TTC7A: variants seen among roughly 807,000 people sequenced by gnomAD.
The protein encoded by TTC7A is tetratricopeptide repeat domain 7A, also known as tetratricopeptide repeat protein 7A.
Under a neutral mutation model 103.7 loss-of-function variants are expected in TTC7A, and 110 were observed. That is an observed-to-expected ratio of 1.06 (90% CI 0.91 to 1.24). TTC7A has a LOEUF of 1.24. Among genes scored for constraint, TTC7A ranks in the 50% most tolerant of loss-of-function variants. The pLI is 0.00. For synonymous variants in TTC7A, 521 were observed against 467.9 expected, an observed-to-expected ratio of 1.11 and a Z score of -1.47; for missense variants, 1,340 against 1,116.3, an observed-to-expected ratio of 1.20 and a Z score of -2.86.
At chr2:47,047,486 C>G in intron 16 of TTC7A, 1 of 608,336 alleles carries the variant, frequency 1.6e-6, no homozygotes, top group Non-Finnish European at 2.9e-6. Flanking sequence ...TTGAAGCCAC[C>G]TGGCAGCTGG....
chr2:47,030,809 C>T (rs933006210), intron 15 of TTC7A, among the ~76,000 whole-genome samples: 20 of 152,156 alleles, frequency 1.3e-4, no homozygotes, highest in African/African-American at 3.6e-4. Context: ...CTTTTATGTT[C>T]GTGGCCGGCC....
At position 46,941,554 on chromosome 2, in the gene TTC7A, G is replaced by A; in HGVS notation, c.13G>A (p.Gly5Ser). The A allele has an allele frequency of 6.4e-7, 1 of 1,554,866 alleles. No individual in the cohort carries two copies. Residue 5 changes from glycine to serine, a missense_variant, in exon 1 of 20, where the codon GGC becomes AGC. Physicochemically the swap from Gly to Ser is moderately conservative, Grantham distance 56. Transcript: ENST00000319190. This position sits in a 1 kb window ranked among gnomAD's most constrained non-coding sequence, Gnocchi z 4.2. ...CGCCCGCGAGAAGATGGCTGCGAAG[G>A]GCGCGCACGGCTCCTACCTGAAGGT... MAAK[G>S]AHGSYLKVES...
At chr2:47,053,574 G>T (rs1410666249) in intron 18 of TTC7A, among the ~76,000 whole-genome samples, 1 of 150,690 alleles carries the variant, frequency 6.6e-6, no homozygotes, top group Non-Finnish European at 1.5e-5. Flanking sequence ...TTGGTTGGTT[G>T]GTTGGTTGGT....
At chr2:46,958,488 T>C (rs1423882949) in intron 3 of TTC7A, 2 of 1,304,190 alleles carry the variant, frequency 1.5e-6, no homozygotes, top group Admixed American at 4.6e-5. Flanking sequence ...CTCTCTCCTC[T>C]TTCCAGCATG....
chr2:47,021,357 C>T (rs996806197), intron 11 of TTC7A, among the ~76,000 whole-genome samples: 6 of 152,208 alleles, frequency 3.9e-5, no homozygotes, highest in African/African-American at 9.6e-5. Flanking sequence ...GTGACCCATA[C>T]GGGTTGGTCC....
chr2:47,002,746 C>T (rs1676956162), intron 8 of TTC7A, among the ~76,000 whole-genome samples: 1 of 152,152 alleles, frequency 6.6e-6, no homozygotes, highest in African/African-American at 2.4e-5. Flanking sequence ...TCCCATTTCC[C>T]CCTACCCCTC....
chr2:46,952,256 C>A (rs1417245068), intron 2 of TTC7A, among the ~76,000 whole-genome samples: 3 of 152,010 alleles, frequency 2.0e-5, no homozygotes, highest in Non-Finnish European at 2.9e-5. Context: ...ACCCCACAGA[C>A]CTTCCAGTTT....
At chr2:47,020,453 T>G (rs923882895) in intron 11 of TTC7A, among the ~76,000 whole-genome samples, 4 of 152,206 alleles carry the variant, frequency 2.6e-5, no homozygotes, top group African/African-American at 7.2e-5. Flanking sequence ...CCATAAGCCC[T>G]GGGTTCTCGG....
chr2:46,936,609 G>T (rs1386311886), upstream of TTC7A, among the ~76,000 whole-genome samples: 2 of 152,060 alleles, frequency 1.3e-5, no homozygotes, highest in South Asian at 2.1e-4. Flanking sequence ...ACCTGTCTAT[G>T]GCTTCCTCGG....
intron 1 of TTC7A, among the ~76,000 whole-genome samples, chr2:46,944,363 T>C (rs888714358): frequency 1.5e-4 from 22 of 145,282 alleles, no homozygotes; most frequent in African/African-American, 5.1e-4. Context: ...ATAAGAACTC[T>C]GGTATTTTGG....
intron 3 of TTC7A, among the ~76,000 whole-genome samples, chr2:46,968,301 A>G (rs965157422): frequency 6.6e-6 from 1 of 152,206 alleles, no homozygotes; most frequent in African/African-American, 2.4e-5. Context: ...TGGGAATCAC[A>G]AGGCAGTGCC....
chr2:47,037,877 C>T (rs1208541254), intron 15 of TTC7A, among the ~76,000 whole-genome samples: 1 of 152,176 alleles, frequency 6.6e-6, no homozygotes, highest in African/African-American at 2.4e-5. Flanking sequence ...CCAGCCCCTG[C>T]TGGGCCTTTT....
In TTC7A at chr2:47,005,993, C is replaced by A. The variant is rs144690060; in HGVS notation, c.1137C>A (p.Ala379=). ...EEDRTVSLQN[A]AAIYDLLSIT... ...ACCGGACAGTGAGCTTGCAGAATGC[C>A]GCAGCCATCTATGACCTCCTGAGCA... is the stretch of plus-strand genomic sequence containing the variant. Residue 379 remains alanine (A), a synonymous_variant, in exon 9 of 20, where the codon GCC becomes GCA. Transcript: ENST00000319190. 1 of 1,613,780 alleles carries A rather than the reference C, an allele frequency of 6.2e-7. No individual in the cohort carries two copies. The highest frequency in any genetic ancestry group is 1.1e-5 in the South Asian group (1 of 91,060).
chr2:46,926,206 C>A (rs1209703456), intron 2 of TTC7A, among the ~76,000 whole-genome samples: 1 of 152,188 alleles, frequency 6.6e-6, no homozygotes, highest in Non-Finnish European at 1.5e-5. Context: ...GAAGCCTTAC[C>A]ATCTCCTCAG....
intron 16 of TTC7A, 68 bp from the exon 17 acceptor site, chr2:47,049,881 C>G (rs1401853917): frequency 1.6e-5 from 19 of 1,204,388 alleles, no homozygotes; most frequent in Non-Finnish European, 2.3e-5. Context: ...TGCTGGCCCT[C>G]TACCTCACTG....
At position 46,929,978 on chromosome 2, in the gene TTC7A, A is replaced by C. The variant is rs180886036; in HGVS notation, c.82+12701A>C. On this transcript the variant is annotated intron_variant, in intron 2 of 20. Transcript: ENST00000409245. The stretch of plus-strand genomic sequence containing the variant: ...GCTAGCTTGAGCCCCAGAGTGAAGA[A>C]ATATGGAGAAAAGCCCAGCCAAGCT... Among the ~76,000 whole-genome samples, 606 of 152,320 alleles carry C rather than the reference A, an allele frequency of 4.0e-3. 4 individuals carry two copies. Among genetic ancestry groups the C allele is most frequent in the Non-Finnish European group, 6.0e-3 (411 of 68,022 alleles).
At chr2:46,987,745 T>C (rs1249355921) in intron 5 of TTC7A, among the ~76,000 whole-genome samples, 1 of 152,192 alleles carries the variant, frequency 6.6e-6, no homozygotes, top group East Asian at 1.9e-4. Context: ...CTGTGTTTTC[T>C]AAGGGAGTTC....
chr2:47,014,515 C>A (rs1028333610), intron 11 of TTC7A, among the ~76,000 whole-genome samples: 4 of 152,242 alleles, frequency 2.6e-5, no homozygotes, highest in Admixed American at 6.5e-5. Flanking sequence ...TGGGTTCCTG[C>A]CTCACCATCC....
intron 2 of TTC7A, 83 bp from the exon 3 acceptor site, chr2:46,956,756 C>A: frequency 6.6e-7 from 1 of 1,513,740 alleles, no homozygotes; most frequent in Non-Finnish European, 9.1e-7. Context: ...AGGTCTGAGG[C>A]AAACAAGGTC....
Sources: allele counts gnomAD v4.1 joint callset (sites outside exome capture counted in the v4.1 genomes callset), GRCh38; gene constraint gnomAD v4.1.1; non-coding constraint Gnocchi (gnomAD v3.1); transcripts MANE v1.5; gene names NCBI Gene and HGNC (gene_info 2026-07-23, HGNC 2026-07-21).